The following RERE variants were observed in gnomAD, a reference collection of about 807,000 sequenced individuals.
The protein encoded by RERE is arginine-glutamic acid dipeptide repeats protein.
Under a neutral mutation model 146.1 loss-of-function variants are expected in RERE, and 40 were observed. The observed-to-expected ratio is 0.27, with a 90% CI of 0.21 to 0.36. RERE has a LOEUF of 0.36. Among genes scored for constraint, RERE ranks in the 10% least tolerant of loss-of-function variants. RERE has a pLI of 1.00. For missense variants in RERE, 1,933 were observed against 2,138.7 expected (o/e 0.90, Z 1.90); for synonymous variants, 1,003 against 866.0 (o/e 1.16, Z -2.78).
chr1:8,754,788 T>C (rs1640604735), intron 1 of RERE, among the ~76,000 whole-genome samples: 2 of 152,230 alleles, frequency 1.3e-5, no homozygotes, highest in African/African-American at 4.8e-5. Flanking sequence ...GATTTTCAGA[T>C]CTTAATATGT....
At chr1:8,747,524 A>C (rs1247439171) in intron 1 of RERE, among the ~76,000 whole-genome samples, 1 of 152,156 alleles carries the variant, frequency 6.6e-6, no homozygotes, top group Non-Finnish European at 1.5e-5. Flanking sequence ...GGAAAGACAG[A>C]TAAATCAACA....
chr1:8,719,366 C>A (rs1639819984), intron 1 of RERE, among the ~76,000 whole-genome samples: 1 of 152,126 alleles, frequency 6.6e-6, no homozygotes, highest in Non-Finnish European at 1.5e-5. Context: ...TAAAGTAATC[C>A]ACCCCTAAAT....
At chr1:8,620,666 C>G (rs1407871181) in intron 3 of RERE, among the ~76,000 whole-genome samples, 1 of 152,070 alleles carries the variant, frequency 6.6e-6, no homozygotes, top group African/African-American at 2.4e-5. Context: ...AAAGACTTTG[C>G]CAGCTATTTT....
In RERE at chr1:8,508,736, C is replaced by T. The variant is rs1479700961; in HGVS notation, c.831-61G>A. On this transcript the variant is annotated intron_variant, in intron 7 of 22. Transcript: ENST00000400908. ...TACAGTTTTGACATAAACATTCACA[C>T]ATTTTTCAAAAAAAGTAATTCTCTT... The T allele has an allele frequency of 6.7e-6, 9 of 1,348,584 alleles. No homozygotes were observed. The African/African-American group carries it at 7.3e-5, about 11-fold the overall frequency. 83.5% of individuals were successfully genotyped at this position (1,348,584 alleles called of 1,614,324 possible). A position where few individuals can be genotyped will look rare whatever the true frequency, so the allele number is the denominator to read the frequency against.
At chr1:8,700,520 A>C (rs925022093) in intron 1 of RERE, among the ~76,000 whole-genome samples, 8 of 152,158 alleles carry the variant, frequency 5.3e-5, no homozygotes, top group Admixed American at 3.3e-4. Context: ...TAAAATATCA[A>C]GTTGGCCACA....
intron 1 of RERE, among the ~76,000 whole-genome samples, chr1:8,783,655 A>T (rs1390442543): frequency 6.6e-6 from 1 of 152,136 alleles, no homozygotes; most frequent in Non-Finnish European, 1.5e-5. Flanking sequence ...CAGAAATTAA[A>T]TTTTTTAAAA....
chr1:8,698,386 T>G (rs948817386), intron 1 of RERE, among the ~76,000 whole-genome samples: 1 of 152,232 alleles, frequency 6.6e-6, no homozygotes, highest in East Asian at 1.9e-4. Flanking sequence ...TTTAAAATTA[T>G]TGGTAGATAA....
At position 8,354,916 on chromosome 1, in the gene RERE, G is replaced by T; in HGVS notation, c.*171C>A. On this transcript the variant is annotated 3_prime_UTR_variant, in exon 23 of 23. Coordinates refer to ENST00000400908, the MANE Select transcript of RERE (RefSeq NM_001042681.2). ...CAAACCAGTCTCAGGAAATCCTCTC[G>T]ACAAACGAACACTACTATGTGGATA... The T allele has an allele frequency of 1.6e-6, 1 of 620,000 alleles. No homozygotes were observed. The highest frequency in any genetic ancestry group is 2.8e-6 in the Non-Finnish European group (1 of 359,094). 38.4% of individuals were successfully genotyped at this position (620,000 alleles called of 1,614,324 possible).
At chr1:8,744,057 G>C (rs1640371145) in intron 1 of RERE, among the ~76,000 whole-genome samples, 2 of 152,170 alleles carry the variant, frequency 1.3e-5, no homozygotes, top group Non-Finnish European at 2.9e-5. Context: ...AAAGAAAATA[G>C]ACAGTCCCAG....
chr1:8,362,767 G>C lies in RERE; in HGVS notation c.1818C>G (p.Ile606Met), dbSNP rs1557589001. The C allele has an allele frequency of 5.6e-6, 9 of 1,614,092 alleles. No homozygotes were observed. Among genetic ancestry groups the C allele is most frequent in the African/African-American group, 1.3e-5 (1 of 74,932 alleles). The change falls in exon 16 of 23, where the codon ATC becomes ATG. Residue 606 changes from isoleucine to methionine, a missense_variant. Physicochemically the swap from Ile to Met is conservative, Grantham distance 10. Transcript: ENST00000400908. ...TGGGGGAGTTCCGGCCGCTGGAGCG[G>C]ATGTCTTCATTGATGGGTGAGGTGC... ...DGRTSPINED[I>M]RSSGRNSPSA...
At chr1:8,471,626 C>T (rs1056201367) in intron 10 of RERE, among the ~76,000 whole-genome samples, 1 of 151,784 alleles carries the variant, frequency 6.6e-6, no homozygotes, top group Admixed American at 6.6e-5. Flanking sequence ...AATCCTCCTG[C>T]CGCAGCCTCC....
In RERE at chr1:8,361,161, G is replaced by C. The variant is rs1329816708; in HGVS notation, c.2346C>G (p.Ser782=). Residue 782 remains serine (S), a synonymous_variant, in exon 18 of 23, where the codon TCC becomes TCG. Coordinates refer to ENST00000400908, the MANE Select transcript of RERE (RefSeq NM_001042681.2). ...AVPPQGSPTA[S]QAPNQPQAPT... Reference sequence around the variant, plus strand: ...GAGCCTGTGGCTGGTTAGGGGCCTGGGAGGCCGTGGGGGAGCCCTGTGGGG... The same window carrying C: ...GAGCCTGTGGCTGGTTAGGGGCCTGCGAGGCCGTGGGGGAGCCCTGTGGGG... 1 of 1,451,236 alleles carries C rather than the reference G, an allele frequency of 6.9e-7. No homozygotes were observed. The highest frequency in any genetic ancestry group is 1.4e-5 in the South Asian group (1 of 69,408). 89.9% of individuals were successfully genotyped at this position (1,451,236 alleles called of 1,614,324 possible). A position where few individuals can be genotyped will look rare whatever the true frequency, so the allele number is the denominator to read the frequency against.
intron 6 of RERE, among the ~76,000 whole-genome samples, chr1:8,549,292 A>G (rs1265782598): frequency 1.3e-5 from 2 of 152,232 alleles, no homozygotes; most frequent in East Asian, 1.9e-4. Flanking sequence ...TAGAAATAAG[A>G]AAGTGCTCAA....
At chr1:8,379,467 A>T (rs1027933662) in intron 12 of RERE, among the ~76,000 whole-genome samples, 1 of 152,198 alleles carries the variant, frequency 6.6e-6, no homozygotes, top group African/African-American at 2.4e-5. Context: ...TGCAGTTGAG[A>T]AAACACACAC....
chr1:8,809,009 G>A (rs1641741463), intron 1 of RERE, among the ~76,000 whole-genome samples: 1 of 151,988 alleles, frequency 6.6e-6, no homozygotes. Context: ...ATGGTGGCAG[G>A]CGCCTGTAGT....
At chr1:8,409,372 C>T (rs777208588) in intron 12 of RERE, among the ~76,000 whole-genome samples, 21 of 152,192 alleles carry the variant, frequency 1.4e-4, no homozygotes, top group Non-Finnish European at 2.8e-4. Flanking sequence ...TTCTAACAAC[C>T]GCATGAGGCA....
At chr1:8,529,456 A>G (rs1485362946) in intron 7 of RERE, among the ~76,000 whole-genome samples, 2 of 82,014 alleles carry the variant, frequency 2.4e-5, no homozygotes, top group Middle Eastern at 4.8e-3. Context: ...CACCCAACTA[A>G]ATTTTTTAAT....
chr1:8,493,814 A>G (rs1036659063), intron 10 of RERE, among the ~76,000 whole-genome samples: 30 of 152,228 alleles, frequency 2.0e-4, no homozygotes. Context: ...CTACATACAC[A>G]TACACAACGA....
Position 8,805,841 on chromosome 1 carries a change from CTTCT to C in RERE, c.-145+11315_-145+11318del, listed in dbSNP as rs1355143864. 5 of 131,646 alleles carry C rather than the reference CTTCT, an allele frequency of 3.8e-5. No homozygotes were observed. In the East Asian group the frequency reaches 1.0e-3, roughly 27 times the overall value. 8.2% of individuals were successfully genotyped at this position (131,646 alleles called of 1,614,324 possible). A position where few individuals can be genotyped will look rare whatever the true frequency, so the allele number is the denominator to read the frequency against. On this transcript the variant is annotated intron_variant, in intron 1 of 22. Transcript: ENST00000400908. ...AGACTCCATCACAAAACAAAACAAC[CTTCT>C]TTTTTTTTTTTTTTTTTTTTTTTGA...
Sources: allele counts gnomAD v4.1 joint callset (sites outside exome capture counted in the v4.1 genomes callset), GRCh38; gene constraint gnomAD v4.1.1; transcripts MANE v1.5; gene names NCBI Gene and HGNC (gene_info 2026-07-23, HGNC 2026-07-21).